CPEB1: variants seen among roughly 807,000 people sequenced by gnomAD.
CPEB1 encodes cytoplasmic polyadenylation element-binding protein 1.
A neutral mutation model predicts 65.8 loss-of-function variants in CPEB1; 7 were observed. The ratio of observed to expected loss-of-function variants is 0.11; its 90% confidence interval spans 0.06 to 0.20. The LOEUF (loss-of-function observed/expected upper bound fraction) is 0.20. Among genes scored for constraint, CPEB1 ranks in the 10% least tolerant of loss-of-function variants. The pLI, the probability that CPEB1 is intolerant of heterozygous loss-of-function variation, is 1.00. For synonymous variants in CPEB1, 262 were observed against 260.0 expected, an observed-to-expected ratio of 1.01 and a Z score of -0.08; for missense variants, 551 against 712.2, an observed-to-expected ratio of 0.77 and a Z score of 2.58.
At chr15:82,627,956 G>C (rs912554393) in intron 2 of CPEB1, among the ~76,000 whole-genome samples, 3 of 152,130 alleles carry the variant, frequency 2.0e-5, no homozygotes, top group Non-Finnish European at 4.4e-5. Flanking sequence ...AGAATGCCAT[G>C]AATTCAACAA....
chr15:82,602,789 T>C (rs1198402429), intron 3 of CPEB1, among the ~76,000 whole-genome samples: 2 of 152,088 alleles, frequency 1.3e-5, no homozygotes, highest in South Asian at 2.1e-4. Flanking sequence ...GAGGTTACAG[T>C]GAGCCGAGAT....
chr15:82,638,028 T>C (rs761566256), intron 1 of CPEB1: 4 of 447,412 alleles, frequency 8.9e-6, no homozygotes, highest in Non-Finnish European at 1.8e-5. Context: ...TCTGGTTTAA[T>C]ATAAGATAGC....
intron 3 of CPEB1, among the ~76,000 whole-genome samples, chr15:82,582,321 C>G (rs2041355914): frequency 1.3e-5 from 2 of 152,186 alleles, no homozygotes; most frequent in African/African-American, 2.4e-5. Flanking sequence ...ATAGACCAAA[C>G]AAGTAACTAC....
chr15:82,641,873 C>T (rs1484556226), intron 1 of CPEB1, among the ~76,000 whole-genome samples: 2 of 152,070 alleles, frequency 1.3e-5, no homozygotes, highest in African/African-American at 2.4e-5. Flanking sequence ...ATCAAAACCA[C>T]ATTATATATT....
At chr15:82,614,958 T>A (rs764668548) in intron 3 of CPEB1, among the ~76,000 whole-genome samples, 4 of 152,032 alleles carry the variant, frequency 2.6e-5, no homozygotes, top group African/African-American at 4.8e-5. Flanking sequence ...ACTATCACCA[T>A]TTAGTAAGTG....
At chr15:82,631,016 T>G (rs1209180128) in intron 1 of CPEB1, among the ~76,000 whole-genome samples, 1 of 151,720 alleles carries the variant, frequency 6.6e-6, no homozygotes, top group Non-Finnish European at 1.5e-5. Flanking sequence ...ACAAAGTGAG[T>G]CTTAGAAGGA....
chr15:82,572,547 C>G (rs765382085), intron 3 of CPEB1, among the ~76,000 whole-genome samples: 15 of 152,144 alleles, frequency 9.9e-5, no homozygotes, highest in Non-Finnish European at 2.1e-4. Context: ...TGAACAGATA[C>G]AGCGGCTCAG....
chr15:82,560,570 A>T (rs1428089454), intron 4 of CPEB1, among the ~76,000 whole-genome samples: 2 of 151,614 alleles, frequency 1.3e-5, no homozygotes, highest in African/African-American at 4.9e-5. Flanking sequence ...ATTTAAAAAA[A>T]ATTTTTAGTA....
intron 4 of CPEB1, among the ~76,000 whole-genome samples, chr15:82,560,594 T>G (rs945691429): frequency 5.3e-5 from 8 of 151,826 alleles, no homozygotes; most frequent in African/African-American, 1.9e-4. Context: ...GTAGCATCTA[T>G]GTTGCCCAGG....
At chr15:82,626,783 A>T (rs866164315) in intron 3 of CPEB1, among the ~76,000 whole-genome samples, 15 of 151,992 alleles carry the variant, frequency 9.9e-5, no homozygotes, top group Non-Finnish European at 2.9e-5. Context: ...TAGTACTAAT[A>T]AAAAAAATCT....
chr15:82,612,629 G>A (rs1051135023), intron 3 of CPEB1, among the ~76,000 whole-genome samples: 1 of 152,006 alleles, frequency 6.6e-6, no homozygotes, highest in African/African-American at 2.4e-5. Context: ...GAGGTCAGAA[G>A]TTCAAGATCA....
At chr15:82,580,943 C>T (rs1278378887) in intron 3 of CPEB1, among the ~76,000 whole-genome samples, 1 of 151,906 alleles carries the variant, frequency 6.6e-6, no homozygotes, top group East Asian at 1.9e-4. Flanking sequence ...CCTCAGCCTC[C>T]CAGGATCAAG....
At position 82,546,527 on chromosome 15, in the gene CPEB1, CA is replaced by C. The variant is rs1567163414; in HGVS notation, c.1576-7del. The C allele has an allele frequency of 5.0e-6, 8 of 1,610,902 alleles. No individual in the cohort carries two copies. Among genetic ancestry groups the C allele is most frequent in the Non-Finnish European group, 6.8e-6 (8 of 1,177,316 alleles). ...AGGTAGGGGTCAATCTGAACCTGCA[CA>C]AAGGCAAAATAAGATGATGAAGTGG... is the stretch of plus-strand genomic sequence containing the variant. On this transcript the variant is annotated splice_polypyrimidine_tract_variant and splice_region_variant and intron_variant, in intron 11 of 12. Transcript: ENST00000684509.
chr15:82,640,310 T>C (rs74437437), intron 1 of CPEB1, among the ~76,000 whole-genome samples: 3,345 of 152,286 alleles, frequency 0.022, 123 homozygotes, highest in African/African-American at 0.076. Flanking sequence ...TTGAATATTA[T>C]GAATAAAACT....
At chr15:82,607,315 C>T (rs1419579295) in intron 3 of CPEB1, among the ~76,000 whole-genome samples, 3 of 152,056 alleles carry the variant, frequency 2.0e-5, no homozygotes, top group Non-Finnish European at 4.4e-5. Context: ...GGGCTGGGCA[C>T]GGTGGCTCAC....
chr15:82,560,750 T>C (rs1382743943), intron 4 of CPEB1, among the ~76,000 whole-genome samples: 1 of 151,832 alleles, frequency 6.6e-6, no homozygotes, highest in Non-Finnish European at 1.5e-5. Flanking sequence ...AGAGCTGTTG[T>C]GTGGATAGCA....
intron 3 of CPEB1, among the ~76,000 whole-genome samples, chr15:82,608,533 T>C (rs995597731): frequency 6.6e-6 from 1 of 152,174 alleles, no homozygotes; most frequent in Non-Finnish European, 1.5e-5. Flanking sequence ...GGTATGAAAA[T>C]AATACAAATT....
chr15:82,593,094 G>A (rs2042392049), intron 3 of CPEB1, among the ~76,000 whole-genome samples: 1 of 152,214 alleles, frequency 6.6e-6, no homozygotes, highest in Non-Finnish European at 1.5e-5. Flanking sequence ...CATGGCTGCT[G>A]ACATAAGGGT....
At chr15:82,632,058 T>C (rs2046298798) in intron 1 of CPEB1, among the ~76,000 whole-genome samples, 1 of 145,350 alleles carries the variant, frequency 6.9e-6, no homozygotes, top group Non-Finnish European at 1.5e-5. Flanking sequence ...CTCGGCTCAC[T>C]GCAAGCTCCG....
Sources: gnomAD v4.1 joint callset for allele counts (sites outside exome capture counted in the v4.1 genomes callset) on GRCh38, gnomAD v4.1.1 for gene constraint, MANE v1.5 for transcripts, NCBI Gene and HGNC (gene_info 2026-07-23, HGNC 2026-07-21) for gene names.